OPCML: variants seen among roughly 807,000 people sequenced by gnomAD.
The protein encoded by OPCML is opioid binding protein/cell adhesion molecule like, also known as opioid-binding protein/cell adhesion molecule.
A neutral mutation model predicts 37.8 loss-of-function variants in OPCML; 13 were observed. The ratio of observed to expected loss-of-function variants is 0.34; its 90% CI spans 0.22 to 0.55. OPCML has a LOEUF of 0.55. OPCML is among the 20% of genes least tolerant of loss of function. OPCML has a pLI of 0.91. For synonymous variants in OPCML, 176 were observed against 168.8 expected (o/e 1.04, Z -0.33); for missense variants, 341 against 435.6 (o/e 0.78, Z 1.93).
At chr11:132,840,000 C>A (rs1452339816) in intron 2 of OPCML, among the ~76,000 whole-genome samples, 2 of 151,770 alleles carry the variant, frequency 1.3e-5, no homozygotes, top group Admixed American at 6.6e-5. Context: ...GAGGTCCAGG[C>A]GGGGAGGAGA....
At chr11:133,400,183 T>C (rs1419918952) in intron 1 of OPCML, among the ~76,000 whole-genome samples, 1 of 152,162 alleles carries the variant, frequency 6.6e-6, no homozygotes, top group African/African-American at 2.4e-5. Context: ...GTCTTCTAAT[T>C]TAGCCTCAAG....
At chr11:132,427,428 C>A (rs1187481186) in intron 7 of OPCML, among the ~76,000 whole-genome samples, 1 of 152,144 alleles carries the variant, frequency 6.6e-6, no homozygotes, top group Non-Finnish European at 1.5e-5. Context: ...CTGATGAAGG[C>A]ACATCACTTC....
rs558000724 is a variant in OPCML, at chr11:133,254,643, T to C, written c.61+277621A>G. Among the ~76,000 whole-genome samples the C allele has an allele frequency of 3.3e-5, 5 of 152,296 alleles. No individual in the cohort carries two copies. In the South Asian group the frequency reaches 1.0e-3, roughly 32 times the overall value. On this transcript the variant is annotated intron_variant, in intron 1 of 7. Transcript: ENST00000524381. ...GAGATGGCTATAGCAGATGTCTTTG[T>C]AGACTGCATTTGAATTTATGCCTAA... is the stretch of plus-strand genomic sequence containing the variant.
chr11:132,508,046 C>T (rs1162902529), intron 4 of OPCML, among the ~76,000 whole-genome samples: 1 of 152,120 alleles, frequency 6.6e-6, no homozygotes. Flanking sequence ...AAGGAGCTCT[C>T]TGAAACCATC....
chr11:133,289,531 C>G (rs947576358), intron 1 of OPCML, among the ~76,000 whole-genome samples: 1 of 141,460 alleles, frequency 7.1e-6, no homozygotes, highest in Non-Finnish European at 1.5e-5. Flanking sequence ...GGAGGCGGAG[C>G]TTGCAGTGAG....
intron 1 of OPCML, among the ~76,000 whole-genome samples, chr11:133,254,664 C>T (rs1308383182): frequency 6.6e-6 from 1 of 152,086 alleles, no homozygotes; most frequent in Non-Finnish European, 1.5e-5. Context: ...TGAATTTATG[C>T]CTAAATTGTG....
intron 1 of OPCML, among the ~76,000 whole-genome samples, chr11:133,284,645 C>G (rs561667181): frequency 6.6e-6 from 1 of 152,204 alleles, no homozygotes; most frequent in Non-Finnish European, 1.5e-5. Context: ...TCTTGTGGTA[C>G]TAGGCACAGA....
intron 3 of OPCML, among the ~76,000 whole-genome samples, chr11:132,536,937 T>G (rs534001352): frequency 6.6e-6 from 1 of 152,330 alleles, no homozygotes; most frequent in East Asian, 1.9e-4. Context: ...GCTCATATGT[T>G]TGTGTGTGTG....
chr11:133,002,548 GT>G (rs1271185867), intron 1 of OPCML, among the ~76,000 whole-genome samples: 1 of 152,196 alleles, frequency 6.6e-6, no homozygotes, highest in African/African-American at 2.4e-5. Flanking sequence ...TTAGTTCTGT[GT>G]GCCCACAGGG....
intron 3 of OPCML, among the ~76,000 whole-genome samples, chr11:132,538,396 G>A (rs78168098): frequency 0.13 from 19,629 of 152,198 alleles, 1,615 homozygotes; most frequent in East Asian, 0.35. Flanking sequence ...GTTGCCAGGA[G>A]CTAGGGAGAG....
At chr11:133,275,125 G>A (rs923403193) in intron 1 of OPCML, among the ~76,000 whole-genome samples, 3 of 152,150 alleles carry the variant, frequency 2.0e-5, no homozygotes, top group Non-Finnish European at 4.4e-5. Context: ...AAGGGGGTGG[G>A]AGGCTGGGTA....
intron 2 of OPCML, among the ~76,000 whole-genome samples, chr11:132,786,474 T>A (rs1205691048): frequency 6.6e-6 from 1 of 152,200 alleles, no homozygotes; most frequent in Non-Finnish European, 1.5e-5. Flanking sequence ...ATAAATGGCT[T>A]TGATTCTGAC....
intron 1 of OPCML, among the ~76,000 whole-genome samples, chr11:133,202,975 C>A (rs113909581): frequency 6.6e-6 from 1 of 152,262 alleles, no homozygotes; most frequent in Non-Finnish European, 1.5e-5. Context: ...GTGTCAGGGC[C>A]GAGCACGTGA....
intron 2 of OPCML, among the ~76,000 whole-genome samples, chr11:132,869,908 A>G (rs909191503): frequency 2.6e-5 from 4 of 152,200 alleles, no homozygotes; most frequent in African/African-American, 9.6e-5. Flanking sequence ...GTTCATTTAC[A>G]AAGTGTGACA....
chr11:132,581,705 T>A (rs1365022838), intron 3 of OPCML, among the ~76,000 whole-genome samples: 3 of 152,062 alleles, frequency 2.0e-5, no homozygotes, highest in African/African-American at 2.4e-5. Context: ...AGACACATAC[T>A]TTTAGGTAGA....
chr11:132,500,104 A>G (rs940848905), intron 4 of OPCML, among the ~76,000 whole-genome samples: 1 of 152,220 alleles, frequency 6.6e-6, no homozygotes, highest in Non-Finnish European at 1.5e-5. Flanking sequence ...TAACAGTGTG[A>G]AAACTACGTG....
chr11:132,470,093 A>C (rs954162609), intron 4 of OPCML, among the ~76,000 whole-genome samples: 1 of 152,120 alleles, frequency 6.6e-6, no homozygotes, highest in African/African-American at 2.4e-5. Context: ...TTGACCTTGC[A>C]AGTGATGTGA....
chr11:132,863,692 C>A (rs1446990000), intron 2 of OPCML, among the ~76,000 whole-genome samples: 1 of 152,174 alleles, frequency 6.6e-6, no homozygotes, highest in Non-Finnish European at 1.5e-5. Context: ...GAGAAATCAT[C>A]CAATTTGCCT....
At chr11:132,959,703 A>G (rs544839519) in intron 1 of OPCML, among the ~76,000 whole-genome samples, 31 of 152,304 alleles carry the variant, frequency 2.0e-4, no homozygotes, top group Non-Finnish European at 4.0e-4. Flanking sequence ...TACACACAAT[A>G]CAATACTACT....
Sources: gnomAD v4.1 joint callset for allele counts (sites outside exome capture counted in the v4.1 genomes callset) on GRCh38, gnomAD v4.1.1 for gene constraint, MANE v1.5 for transcripts, NCBI Gene and HGNC (gene_info 2026-07-23, HGNC 2026-07-21) for gene names.